ZNF85: variants seen among roughly 807,000 people sequenced by gnomAD.
ZNF85 encodes zinc finger protein 85.
A neutral mutation model predicts 53.9 loss-of-function variants in ZNF85; 50 were observed. The ratio of observed to expected loss-of-function variants is 0.93; its 90% CI spans 0.74 to 1.17. The LOEUF (loss-of-function observed/expected upper bound fraction) is 1.17, where lower values mean the gene tolerates loss of function less well. Among genes scored for constraint, ZNF85 ranks in the 50% most tolerant of loss-of-function variants. The pLI is 0.00. For synonymous variants in ZNF85, 225 were observed against 226.1 expected, an observed-to-expected ratio of 1.00 and a Z score of 0.04; for missense variants, 747 against 688.5, an observed-to-expected ratio of 1.08 and a Z score of -0.95.
intron 1 of ZNF85, chr19:20,926,629 GC>G (rs1275603854): frequency 1.3e-5 from 2 of 152,044 alleles, no homozygotes; most frequent in Admixed American, 1.3e-4. Flanking sequence ...TTTCTGGGGA[GC>G]CTCCCCTGCA....
At chr19:20,943,129 T>C in intron 3 of ZNF85, 1 of 365,192 alleles carries the variant, frequency 2.7e-6, no homozygotes, top group Non-Finnish European at 4.9e-6. Context: ...ATACACAAGG[T>C]GCAAATAAGA....
intron 3 of ZNF85, among the ~76,000 whole-genome samples, chr19:20,947,487 A>G (rs1258850622): frequency 1.6e-5 from 1 of 61,604 alleles, no homozygotes; most frequent in Non-Finnish European, 3.1e-5. Context: ...GTGCCAATAC[A>G]CTTTTTTTTT....
intron 1 of ZNF85, among the ~76,000 whole-genome samples, chr19:20,932,123 T>C (rs975130515): frequency 2.6e-5 from 4 of 152,230 alleles, no homozygotes; most frequent in East Asian, 1.9e-4. Flanking sequence ...GCAGTTGATG[T>C]TGACATCTTT....
chr19:20,936,018 G>A lies in ZNF85; in HGVS notation c.229+971G>A, dbSNP rs186666230. On this transcript the variant is annotated intron_variant, in intron 3 of 3. Coordinates refer to ENST00000328178, the MANE Select transcript of ZNF85 (RefSeq NM_003429.5). ...ATCTTATATCTTCCAGTATAAAAAT[G>A]TTTTACCTCTTTTGTTAAATTTGTT... Among the ~76,000 whole-genome samples, 971 of 151,110 alleles carry A rather than the reference G, an allele frequency of 6.4e-3. 3 individuals carry two copies. The highest frequency in any genetic ancestry group is 0.014 in the Middle Eastern group (4 of 290).
chr19:20,942,791 T>C lies in ZNF85; in HGVS notation c.230-5953T>C, dbSNP rs138122191. On this transcript the variant is annotated intron_variant, in intron 3 of 3. Coordinates refer to ENST00000328178, the MANE Select transcript of ZNF85 (RefSeq NM_003429.5). ...TATTTGTTGTTGTTGTCATTGTTAT[T>C]TTGACGCAGAATCTTACTCTGTCAC... 5.9e-3 allele frequency: 4,148 copies of C among 699,904 alleles called. 71 individuals are homozygous for C. The highest frequency in any genetic ancestry group is 0.028 in the South Asian group (1,845 of 66,914). The allele number at this position is 699,904 out of a possible 1,614,324, so 43.4% of individuals were successfully genotyped here.
chr19:20,923,307 T>C lies in ZNF85; in HGVS notation c.-94T>C, dbSNP rs1972798887. On this transcript the variant is annotated 5_prime_UTR_variant, in exon 1 of 4. Transcript: ENST00000328178. ...GGTCTTGTTTTCCCTGCTTTGTGTT[T>C]TCTGCTCGTGGACGCCCAGCCTCTG... The C allele has an allele frequency of 1.3e-6, 2 of 1,595,650 alleles. No individual in the cohort carries two copies. The highest frequency in any genetic ancestry group is 1.7e-5 in the Admixed American group (1 of 59,540).
intron 1 of ZNF85, among the ~76,000 whole-genome samples, chr19:20,923,858 G>C (rs1972818107): frequency 6.6e-6 from 1 of 152,098 alleles, no homozygotes; most frequent in Non-Finnish European, 1.5e-5. Flanking sequence ...GAGGCGGGCG[G>C]ATCATCTGAG....
chr19:20,932,618 C>A (rs1017155501), intron 1 of ZNF85, among the ~76,000 whole-genome samples: 1 of 151,996 alleles, frequency 6.6e-6, no homozygotes, highest in Non-Finnish European at 1.5e-5. Flanking sequence ...TCTCCATTAC[C>A]TCTGTGCAAA....
At chr19:20,924,996 A>G (rs977115847) in intron 1 of ZNF85, among the ~76,000 whole-genome samples, 4 of 152,100 alleles carry the variant, frequency 2.6e-5, no homozygotes, top group Non-Finnish European at 4.4e-5. Flanking sequence ...CATTGTGGCT[A>G]TGTTGGCTAG....
chr19:20,947,731 T>G (rs1973457580), intron 3 of ZNF85, among the ~76,000 whole-genome samples: 1 of 151,030 alleles, frequency 6.6e-6, no homozygotes, highest in South Asian at 2.1e-4. Context: ...TTGTTGAGCT[T>G]CTTCATTTTT....
At chr19:20,935,836 C>T (rs1298595152) in intron 3 of ZNF85, among the ~76,000 whole-genome samples, 1 of 152,068 alleles carries the variant, frequency 6.6e-6, no homozygotes, top group Non-Finnish European at 1.5e-5. Context: ...AGGCGTGAGC[C>T]ACCATGCCTG....
At chr19:20,929,842 C>A (rs912911146) in intron 1 of ZNF85, among the ~76,000 whole-genome samples, 5 of 152,130 alleles carry the variant, frequency 3.3e-5, no homozygotes, top group African/African-American at 1.2e-4. Context: ...AGTTTTGGGC[C>A]AGGCGTGGTG....
At chr19:20,925,260 C>T (rs1320684006) in intron 1 of ZNF85, among the ~76,000 whole-genome samples, 1 of 151,998 alleles carries the variant, frequency 6.6e-6, no homozygotes, top group Non-Finnish European at 1.5e-5. Flanking sequence ...AATTTGAGAC[C>T]AGCATGGCCA....
At position 20,923,488 on chromosome 19, in the gene ZNF85, C is replaced by T. The variant is rs532517191; in HGVS notation, c.3+85C>T. On this transcript the variant is annotated intron_variant, in intron 1 of 3. Transcript: ENST00000328178. The stretch of plus-strand genomic sequence containing the variant: ...GCGGCTGTGGCGGGACTCAGGCCTC[C>T]CTGTAGTCAGCTCCACAATCTGCGC... The T allele has an allele frequency of 3.4e-5, 54 of 1,602,246 alleles. No homozygotes were observed. The East Asian group carries it at 7.8e-4, about 23-fold the overall frequency.
intron 3 of ZNF85, among the ~76,000 whole-genome samples, chr19:20,938,307 C>T (rs2144638272): frequency 6.6e-6 from 1 of 152,208 alleles, no homozygotes; most frequent in Admixed American, 6.5e-5. Flanking sequence ...TGACGTTAAC[C>T]TTCCCACCTC....
chr19:20,949,153 G>T lies in ZNF85; in HGVS notation c.639G>T (p.Trp213Cys). The T allele has an allele frequency of 6.2e-7, 1 of 1,613,404 alleles. No homozygotes were observed. The highest frequency in any genetic ancestry group is 1.1e-5 in the South Asian group (1 of 91,022). Residue 213 changes from tryptophan (W) to cysteine (C), a missense_variant, in exon 4 of 4, where the codon TGG becomes TGT. Coordinates refer to ENST00000328178, the MANE Select transcript of ZNF85 (RefSeq NM_003429.5). ...AAGAATGTGGAAAAGCCTTTAACTG[G>T]TCCTCAACCCTTACTAAACATAAGA... ...KCEECGKAFN[W>C]SSTLTKHKRI...
At chr19:20,936,101 G>A (rs1213114752) in intron 3 of ZNF85, among the ~76,000 whole-genome samples, 1 of 134,894 alleles carries the variant, frequency 7.4e-6, no homozygotes, top group Non-Finnish European at 1.6e-5. Context: ...TTATCAGATA[G>A]TTTGTTTTAT....
intron 3 of ZNF85, among the ~76,000 whole-genome samples, chr19:20,941,159 G>T (rs148927143): frequency 1.3e-5 from 2 of 152,084 alleles, no homozygotes; most frequent in African/African-American, 4.8e-5. Context: ...AATTTGGTGG[G>T]TTTTTTTATA....
At chr19:20,944,363 ATGTAGCAGTTTT>A (rs1468337619) in intron 3 of ZNF85, 37 of 151,852 alleles carry the variant, frequency 2.4e-4, no homozygotes, top group African/African-American at 8.9e-4. Context: ...CCTGGCAACC[ATGTAGCAGTTTT>A]TGTAGGACTG....
Sources: allele counts gnomAD v4.1 joint callset (sites outside exome capture counted in the v4.1 genomes callset), GRCh38; gene constraint gnomAD v4.1.1; transcripts MANE v1.5; gene names NCBI Gene and HGNC (gene_info 2026-07-23, HGNC 2026-07-21).